Variants in EMCN observed in about 807,000 individuals in gnomAD.
EMCN encodes endomucin, also known as MUC-14.
In EMCN, 37 loss-of-function variants were observed where a neutral mutation model predicts 38.4. The ratio of observed to expected loss-of-function variants is 0.96; its 90% CI spans 0.74 to 1.27. The LOEUF (loss-of-function observed/expected upper bound fraction) is 1.27. Among genes scored for constraint, EMCN ranks in the 50% most tolerant of loss-of-function variants. EMCN has a pLI of 0.00. For synonymous variants in EMCN, 95 were observed against 100.8 expected (o/e 0.94, Z 0.35); for missense variants, 318 against 302.8 (o/e 1.05, Z -0.37).
chr4:100,441,097 A>G (rs578065118), intron 5 of EMCN, among the ~76,000 whole-genome samples: 2 of 152,206 alleles, frequency 1.3e-5, no homozygotes, highest in African/African-American at 4.8e-5. Flanking sequence ...CAAAAAAAAA[A>G]AAAGTGGGGT....
chr4:100,418,184 A>AT (rs1726791381), intron 8 of EMCN, among the ~76,000 whole-genome samples: 1 of 152,112 alleles, frequency 6.6e-6, no homozygotes, highest in Non-Finnish European at 1.5e-5. Context: ...TTTTAACAGC[A>AT]TTTTTTGATT....
intron 1 of EMCN, among the ~76,000 whole-genome samples, chr4:100,505,073 G>A (rs1430260815): frequency 6.6e-6 from 1 of 152,186 alleles, no homozygotes; most frequent in South Asian, 2.1e-4. Context: ...TGCCAGGCAG[G>A]GAAGGGCCCC....
chr4:100,408,385 G>C (rs190770036), intron 11 of EMCN, among the ~76,000 whole-genome samples: 260 of 152,314 alleles, frequency 1.7e-3, no homozygotes, highest in Non-Finnish European at 2.4e-3. Context: ...TTTGAGTATA[G>C]TCAGTCGGTT....
rs59162117 is a variant in EMCN at position 100,475,302 on chromosome 4, TACAC to T, written c.188-197_188-194del. Among the ~76,000 whole-genome samples, 73 of 143,094 alleles carry T rather than the reference TACAC, an allele frequency of 5.1e-4. 1 individual carries two copies. The highest frequency in any genetic ancestry group is 1.5e-3 in the African/African-American group (57 of 38,884). 93.9% of individuals were successfully genotyped at this position (143,094 alleles called of 152,430 possible). A position where few individuals can be genotyped will look rare whatever the true frequency, so the allele number is the denominator to read the frequency against. On this transcript the variant is annotated intron_variant, in intron 2 of 11. Coordinates refer to ENST00000296420, the MANE Select transcript of EMCN (RefSeq NM_016242.4). Reference sequence around the variant, plus strand: ...ATGTATATTAAATATTTGGGTGGCCTACACACACACACACACACACACACACACA... The same window carrying T: ...ATGTATATTAAATATTTGGGTGGCCTACACACACACACACACACACACACA...
intron 5 of EMCN, among the ~76,000 whole-genome samples, chr4:100,426,405 C>T (rs1727047248): frequency 6.6e-6 from 1 of 152,126 alleles, no homozygotes; most frequent in South Asian, 2.1e-4. Context: ...CCCTAGAATG[C>T]ATGGCAGCCT....
At chr4:100,482,308 T>C (rs1015211605) in intron 1 of EMCN, among the ~76,000 whole-genome samples, 2 of 152,124 alleles carry the variant, frequency 1.3e-5, no homozygotes, top group African/African-American at 4.8e-5. Flanking sequence ...TGTGTGTGTG[T>C]GTGTTGTGTG....
chr4:100,429,994 A>G (rs769435208), intron 5 of EMCN, among the ~76,000 whole-genome samples: 12 of 152,180 alleles, frequency 7.9e-5, no homozygotes, highest in African/African-American at 1.4e-4. Context: ...TACTTATGAC[A>G]TCATTATCAA....
At chr4:100,497,658 G>A (rs777199734) in intron 1 of EMCN, among the ~76,000 whole-genome samples, 2 of 152,138 alleles carry the variant, frequency 1.3e-5, no homozygotes, top group Non-Finnish European at 1.5e-5. Context: ...TTACAGGCGT[G>A]AGCCACCGCT....
chr4:100,517,039 C>T (rs1488214147), intron 1 of EMCN, among the ~76,000 whole-genome samples: 6 of 151,928 alleles, frequency 3.9e-5, no homozygotes, highest in Admixed American at 1.3e-4. Flanking sequence ...TTTTATATTC[C>T]TTGCAGTACA....
intron 5 of EMCN, among the ~76,000 whole-genome samples, chr4:100,446,948 A>G (rs1402628147): frequency 5.3e-5 from 8 of 152,204 alleles, no homozygotes; most frequent in Non-Finnish European, 8.8e-5. Context: ...AGTACCAGGT[A>G]GGATGTAGAA....
At chr4:100,405,302 G>A (rs1252387480) in intron 11 of EMCN, among the ~76,000 whole-genome samples, 1 of 152,018 alleles carries the variant, frequency 6.6e-6, no homozygotes, top group African/African-American at 2.4e-5. Context: ...GTTTTCCCAG[G>A]AACAATTCCA....
rs1177423754 is a variant in EMCN at position 100,397,562 on chromosome 4, A to G, written c.*851T>C. 1 of 152,166 alleles carries G rather than the reference A, an allele frequency of 6.6e-6. No individual in the cohort carries two copies. Among genetic ancestry groups the G allele is most frequent in the Non-Finnish European group, 1.5e-5 (1 of 68,026 alleles). 9.4% of individuals were successfully genotyped at this position (152,166 alleles called of 1,614,324 possible). ...TGAGTTAATGAAAAATCATGATCCT[A>G]TTATCTTAATGAATGCAGTATAGTG... is the stretch of plus-strand genomic sequence containing the variant. On this transcript the variant is annotated 3_prime_UTR_variant, in exon 12 of 12. Transcript: ENST00000296420.
intron 5 of EMCN, among the ~76,000 whole-genome samples, chr4:100,442,814 T>TC (rs36085363): frequency 0.28 from 41,935 of 152,058 alleles, 7,406 homozygotes; most frequent in Non-Finnish European, 0.4. Context: ...CTCTTGAATC[T>TC]CCAAGTTTCC....
intron 5 of EMCN, among the ~76,000 whole-genome samples, chr4:100,431,824 G>A (rs1727211734): frequency 1.4e-5 from 2 of 141,668 alleles, no homozygotes; most frequent in South Asian, 4.6e-4. Context: ...TCTGTCTCTC[G>A]CTCTCGCTGT....
intron 11 of EMCN, among the ~76,000 whole-genome samples, chr4:100,406,854 G>T (rs1726407401): frequency 6.6e-6 from 1 of 152,172 alleles, no homozygotes; most frequent in African/African-American, 2.4e-5. Flanking sequence ...TTATTGTGTG[G>T]TTACCTATGT....
intron 3 of EMCN, among the ~76,000 whole-genome samples, chr4:100,470,205 C>A (rs1728436724): frequency 6.6e-6 from 1 of 151,414 alleles, no homozygotes; most frequent in African/African-American, 2.4e-5. Context: ...AAAACAACCC[C>A]ATGCCCAATA....
At chr4:100,485,800 A>G (rs1728926117) in intron 1 of EMCN, among the ~76,000 whole-genome samples, 1 of 152,100 alleles carries the variant, frequency 6.6e-6, no homozygotes, top group South Asian at 2.1e-4. Flanking sequence ...ATGGCCAACC[A>G]CATTAAATGC....
At chr4:100,476,640 C>T (rs949238587) in intron 2 of EMCN, among the ~76,000 whole-genome samples, 1 of 152,104 alleles carries the variant, frequency 6.6e-6, no homozygotes, top group African/African-American at 2.4e-5. Context: ...CTTAAACTAG[C>T]ATTCATTCAT....
chr4:100,406,872 T>A (rs1170838384), intron 11 of EMCN, among the ~76,000 whole-genome samples: 2 of 152,186 alleles, frequency 1.3e-5, no homozygotes, highest in Admixed American at 6.5e-5. Flanking sequence ...TGTCTCTTTG[T>A]AAGACTAAAA....
Sources: allele counts gnomAD v4.1 joint callset (sites outside exome capture counted in the v4.1 genomes callset), GRCh38; gene constraint gnomAD v4.1.1; transcripts MANE v1.5; gene names NCBI Gene and HGNC (gene_info 2026-07-23, HGNC 2026-07-21).